SEMA4A: variants seen among roughly 807,000 people sequenced by gnomAD.
SEMA4A encodes semaphorin 4A, also known as semaphorin-4A.
SEMA4A carries 52 observed loss-of-function variants against 72.5 expected under a neutral mutation model. The ratio of observed to expected loss-of-function variants is 0.72; its 90% CI spans 0.57 to 0.90. SEMA4A has a LOEUF of 0.90. Among genes scored for constraint, SEMA4A ranks in the 40% least tolerant of loss-of-function variants. The pLI is 0.00. For synonymous variants in SEMA4A, 369 were observed against 393.1 expected (o/e 0.94, Z 0.73); for missense variants, 926 against 959.7 (o/e 0.96, Z 0.46).
intron 6 of SEMA4A, chr1:156,159,026 C>G (rs1173197448): frequency 1.1e-5 from 4 of 356,986 alleles, no homozygotes; most frequent in Admixed American, 4.8e-5. Flanking sequence ...ACAGCGAGAT[C>G]GTCTCAAAAA....
At chr1:156,163,677 C>T (rs566870596) in intron 10 of SEMA4A, among the ~76,000 whole-genome samples, 58 of 140,320 alleles carry the variant, frequency 4.1e-4, no homozygotes, top group African/African-American at 1.5e-3. Context: ...GCCAAGATTG[C>T]GCCACTGCAC....
At chr1:156,154,857 G>A in intron 2 of SEMA4A, 140 bp downstream of exon 2, 1 of 1,056,572 alleles carries the variant, frequency 9.5e-7, no homozygotes, top group Non-Finnish European at 1.3e-6. Context: ...GAGAAACAGA[G>A]GATCTCGGAG....
At chr1:156,158,965 C>G (rs1653320264) in intron 6 of SEMA4A, 141 bp downstream of exon 6, 2 of 710,434 alleles carry the variant, frequency 2.8e-6, no homozygotes, top group Non-Finnish European at 4.9e-6. Flanking sequence ...TATTTGGAAG[C>G]TGAAGTTGAA....
At position 156,175,568 on chromosome 1, in the gene SEMA4A, G is replaced by A. The variant is rs999081382; in HGVS notation, c.1605G>A (p.Lys535=). The A allele has an allele frequency of 1.2e-6, 2 of 1,613,206 alleles. No individual in the cohort carries two copies. Among genetic ancestry groups the A allele is most frequent in the Admixed American group, 3.3e-5 (2 of 59,942 alleles). ...LLSAPNLNSW[K]QDMERGNPEW... is the part of the protein sequence containing the mutation. The stretch of plus-strand genomic sequence containing the variant: ...TCTGCTCTCTTAGGAACTCCTGGAA[G>A]CAGGACATGGAGCGGGGGAACCCAG... The change falls in exon 14 of 15, where the codon AAG becomes AAA. Residue 535 remains lysine (K), a synonymous_variant. Transcript: ENST00000368285.
In SEMA4A at chr1:156,175,132, G is replaced by C. The variant is rs559896573; in HGVS notation, c.1481G>C (p.Arg494Pro). ...GFSGGVWRVPRANCSVYESCV... is the reference protein window; with the variant it reads ...GFSGGVWRVPPANCSVYESCV... ...TCAGGAGGTGTCTGGAGGGTGCCCC[G>C]AGCCAACTGTAGTGTCTATGAGAGC... The change falls in exon 13 of 15, where the codon CGA (arginine) becomes CCA (proline). Residue 494 changes from arginine (R) to proline (P), a missense_variant. Arg to Pro is a moderately radical substitution (Grantham distance 103, BLOSUM62 -2). Transcript: ENST00000368285. The C allele has an allele frequency of 1.2e-6, 2 of 1,614,140 alleles. No individual in the cohort carries two copies. Among genetic ancestry groups the C allele is most frequent in the African/African-American group, 1.3e-5 (1 of 75,016 alleles).
chr1:156,157,990 G>A lies in SEMA4A; in HGVS notation c.301-80G>A. The A allele has an allele frequency of 2.2e-6, 3 of 1,392,070 alleles. No individual in the cohort carries two copies. Among genetic ancestry groups the A allele is most frequent in the Non-Finnish European group, 3.0e-6 (3 of 987,212 alleles). The allele number at this position is 1,392,070 out of a possible 1,614,324, so 86.2% of individuals were successfully genotyped here. A position where few individuals can be genotyped will look rare whatever the true frequency, so the allele number is the denominator to read the frequency against. On this transcript the variant is annotated intron_variant, in intron 3 of 14. Coordinates refer to ENST00000368285, the MANE Select transcript of SEMA4A (RefSeq NM_022367.4). The surrounding 1 kb of genome is among the most constrained non-coding windows in gnomAD (Gnocchi z 4.5). ...TGTCTGCTGGTTATTTCACATCAGAGCAGAGAAGGGAGGCAGGTCACAGCT... is the reference window on the plus strand; with the variant it reads ...TGTCTGCTGGTTATTTCACATCAGAACAGAGAAGGGAGGCAGGTCACAGCT...
rs1243941866 is a variant in SEMA4A at position 156,176,794 on chromosome 1, C to A, written c.2083C>A (p.Leu695Ile). 1.2e-5 allele frequency: 20 copies of A among 1,613,644 alleles called. No individual in the cohort carries two copies. Among genetic ancestry groups the A allele is most frequent in the Non-Finnish European group, 1.7e-5 (20 of 1,179,682 alleles). Residue 695 changes from leucine (L) to isoleucine (I), a missense_variant, in exon 15 of 15, where the codon CTT (leucine) becomes ATT (isoleucine). Physicochemically the swap from Leu to Ile is conservative, Grantham distance 5 (BLOSUM62 2). Coordinates refer to ENST00000368285, the MANE Select transcript of SEMA4A (RefSeq NM_022367.4). ...VTVTVLFALV[L>I]SGALIILVAS... is the part of the protein sequence containing the mutation. ...TGTCACTGTCCTCTTTGCCTTAGTG[C>A]TTTCAGGAGCCCTCATCATCCTCGT...
Position 156,174,845 on chromosome 1 carries a change from G to C in SEMA4A, c.1339G>C (p.Val447Leu). 6.2e-7 allele frequency: 1 copy of C among 1,614,218 alleles called. No individual in the cohort carries two copies. Among genetic ancestry groups the C allele is most frequent in the African/African-American group, 1.3e-5 (1 of 75,054 alleles). The change falls in exon 12 of 15, where the codon GTG (valine) becomes CTG (leucine). Residue 447 changes from valine to leucine, a missense_variant. Val to Leu is a conservative substitution (Grantham distance 32, BLOSUM62 1). Transcript: ENST00000368285. The part of the protein sequence containing the change: ...GTTTGSLHKA[V>L]VSGDSSAHLV... ...AGCCACAGGGTCGCTCCACAAGGCT[G>C]TGGTAAGTGGGGACAGCAGTGCTCA... is the stretch of plus-strand genomic sequence containing the variant.
chr1:156,169,896 G>A (rs1352722522), intron 10 of SEMA4A, among the ~76,000 whole-genome samples: 1 of 151,782 alleles, frequency 6.6e-6, no homozygotes, highest in Non-Finnish European at 1.5e-5. Context: ...GTGGTTGTAT[G>A]TGCCTGTAAT....
rs766158235 is a variant in SEMA4A at position 156,161,384 on chromosome 1, G to C, written c.849G>C (p.Trp283Cys). The C allele has an allele frequency of 1.3e-6, 2 of 1,499,496 alleles. No individual in the cohort carries two copies. Among genetic ancestry groups the C allele is most frequent in the Non-Finnish European group, 1.8e-6 (2 of 1,107,350 alleles). 92.9% of individuals were successfully genotyped at this position (1,499,496 alleles called of 1,614,324 possible). A position where few individuals can be genotyped will look rare whatever the true frequency, so the allele number is the denominator to read the frequency against. ...GCGAAAAGCTGCTGCAGAAGAAGTG[G>C]ACCACCTTCCTGAAGGCCCAGCTGC... is the stretch of plus-strand genomic sequence containing the variant. ...VGGEKLLQKK[W>C]TTFLKAQLLC... The change falls in exon 9 of 15, where the codon TGG becomes TGC. Residue 283 changes from tryptophan (W) to cysteine (C), a missense_variant. Trp to Cys is a radical substitution (Grantham distance 215). Transcript: ENST00000368285.
intron 14 of SEMA4A, 98 bp downstream of exon 14, chr1:156,175,754 G>T (rs965560342): frequency 2.3e-6 from 2 of 879,106 alleles, no homozygotes; most frequent in Non-Finnish European, 3.7e-6. Flanking sequence ...CCCAGCACCT[G>T]CCTGGCTTGA....
At chr1:156,175,398 A>G in intron 13 of SEMA4A, 155 bp downstream of exon 13, 2 of 1,192,120 alleles carry the variant, frequency 1.7e-6, no homozygotes, top group Non-Finnish European at 2.5e-6. Context: ...TGGAGTTTCC[A>G]GGCAGTTTTG....
chr1:156,175,547 C>T lies in SEMA4A; in HGVS notation c.1593-9C>T. The stretch of plus-strand genomic sequence containing the variant: ...TGAAGGATAATTTTTACTTTCTCTG[C>T]TCTCTTAGGAACTCCTGGAAGCAGG... On this transcript the variant is annotated splice_polypyrimidine_tract_variant and intron_variant, in intron 13 of 14. Coordinates refer to ENST00000368285, the MANE Select transcript of SEMA4A (RefSeq NM_022367.4). 1 of 1,606,268 alleles carries T rather than the reference C, an allele frequency of 6.2e-7. No individual in the cohort carries two copies. Among genetic ancestry groups the T allele is most frequent in the Admixed American group, 1.7e-5 (1 of 59,752 alleles).
At chr1:156,154,891 G>T (rs1652873030) in intron 2 of SEMA4A, 174 bp downstream of exon 2, 2 of 893,332 alleles carry the variant, frequency 2.2e-6, no homozygotes, top group African/African-American at 3.4e-5. Flanking sequence ...GCCAGAAACA[G>T]AAGTCCAAAA....
upstream of SEMA4A, among the ~76,000 whole-genome samples, chr1:156,151,934 T>C (rs1652570070): frequency 6.6e-6 from 1 of 151,322 alleles, no homozygotes; most frequent in Non-Finnish European, 1.5e-5. Flanking sequence ...AGAGATCTGA[T>C]TTCTTAGCCT....
intron 10 of SEMA4A, among the ~76,000 whole-genome samples, chr1:156,165,021 T>G (rs867525446): frequency 2.0e-4 from 30 of 152,020 alleles, no homozygotes; most frequent in Admixed American, 3.9e-4. Context: ...GACTGGTCTC[T>G]AACTCCTGAC....
chr1:156,150,267 A>G (rs1652426465), upstream of SEMA4A: 1 of 152,286 alleles, frequency 6.6e-6, no homozygotes, highest in Non-Finnish European at 1.5e-5. Flanking sequence ...GCTCTGGGTA[A>G]GGGGTTAGGA....
intron 6 of SEMA4A, among the ~76,000 whole-genome samples, chr1:156,160,072 G>C (rs867505388): frequency 6.6e-6 from 1 of 152,154 alleles, no homozygotes; most frequent in Non-Finnish European, 1.5e-5. Flanking sequence ...TGGCAGGGAA[G>C]GTGTTCCAGG....
In SEMA4A at chr1:156,172,903, G is replaced by A. The variant is rs376309103; in HGVS notation, c.1212G>A (p.Gly404=). The change falls in exon 11 of 15, where the codon GGG becomes GGA. Residue 404 remains glycine, a synonymous_variant. Coordinates refer to ENST00000368285, the MANE Select transcript of SEMA4A (RefSeq NM_022367.4). ...TCCTGATGGATGAGCAAGTGGTGGG[G>A]ACGCCCCTGCTGGTGAAATCTGGCG... is the stretch of plus-strand genomic sequence containing the variant. ...DHFLMDEQVV[G]TPLLVKSGVE... 6.2e-7 allele frequency: 1 copy of A among 1,614,180 alleles called. No homozygotes were observed.
Sources: allele counts gnomAD v4.1 joint callset (sites outside exome capture counted in the v4.1 genomes callset), GRCh38; gene constraint gnomAD v4.1.1; non-coding constraint Gnocchi (gnomAD v3.1); transcripts MANE v1.5; gene names NCBI Gene and HGNC (gene_info 2026-07-23, HGNC 2026-07-21).